Variants in TGFBR2 observed in about 807,000 individuals in gnomAD.
TGFBR2 encodes the protein transforming growth factor beta receptor 2.
A neutral mutation model predicts 49.0 loss-of-function variants in TGFBR2; 18 were observed. The ratio of observed to expected loss-of-function variants is 0.37; its 90% CI spans 0.25 to 0.54. The LOEUF is 0.54. Among genes scored for constraint, TGFBR2 ranks in the 20% least tolerant of loss-of-function variants. The pLI is 0.85. For missense variants in TGFBR2, 525 were observed against 722.6 expected (o/e 0.73, Z 3.13); for synonymous variants, 282 against 275.9 (o/e 1.02, Z -0.22).
intron 2 of TGFBR2, among the ~76,000 whole-genome samples, chr3:30,645,819 CCTCTCT>C (rs4016205): frequency 5.4e-5 from 8 of 147,886 alleles, no homozygotes; most frequent in Admixed American, 1.3e-4. Flanking sequence ...CACATTTTCT[CCTCTCT>C]CTCTCTCTCT....
chr3:30,615,782 C>G (rs542024011), intron 1 of TGFBR2, among the ~76,000 whole-genome samples: 1 of 152,084 alleles, frequency 6.6e-6, no homozygotes, highest in East Asian at 1.9e-4. Flanking sequence ...TTCTGTCACT[C>G]AGTCTGGAAA....
intron 5 of TGFBR2, among the ~76,000 whole-genome samples, chr3:30,687,816 C>G (rs1033445465): frequency 6.6e-6 from 1 of 152,180 alleles, no homozygotes; most frequent in African/African-American, 2.4e-5. Flanking sequence ...GTACTTCATA[C>G]AAGTGGAATG....
At chr3:30,649,219 T>C (rs918319044) in intron 2 of TGFBR2, among the ~76,000 whole-genome samples, 3 of 152,136 alleles carry the variant, frequency 2.0e-5, no homozygotes, top group African/African-American at 7.2e-5. Context: ...ATTTTGCATC[T>C]AAAAAGGACA....
intron 3 of TGFBR2, among the ~76,000 whole-genome samples, chr3:30,659,416 C>T (rs185221082): frequency 6.6e-6 from 1 of 152,136 alleles, no homozygotes; most frequent in Admixed American, 6.5e-5. Context: ...ATCAATATGG[C>T]CCTATGTCTG....
intron 3 of TGFBR2, among the ~76,000 whole-genome samples, chr3:30,665,609 T>C (rs1490753552): frequency 1.3e-5 from 2 of 152,214 alleles, no homozygotes; most frequent in East Asian, 1.9e-4. Context: ...CAGTTGTCCA[T>C]GTGCAGCACA....
At chr3:30,620,383 T>G (rs1698207977) in intron 1 of TGFBR2, among the ~76,000 whole-genome samples, 2 of 152,114 alleles carry the variant, frequency 1.3e-5, no homozygotes, top group African/African-American at 4.8e-5. Flanking sequence ...GAGTGCTATT[T>G]TTTTTTCTCC....
At chr3:30,659,789 C>T (rs1559462527) in intron 3 of TGFBR2, among the ~76,000 whole-genome samples, 1 of 151,788 alleles carries the variant, frequency 6.6e-6, no homozygotes, top group Non-Finnish European at 1.5e-5. Context: ...CCACTGCGGC[C>T]TCCATGTGTT....
At chr3:30,621,725 G>A (rs762898264) in intron 1 of TGFBR2, among the ~76,000 whole-genome samples, 3 of 152,182 alleles carry the variant, frequency 2.0e-5, no homozygotes, top group Non-Finnish European at 4.4e-5. Flanking sequence ...TGATGATGTT[G>A]GTGAGGACGT....
rs56069409 is a variant in TGFBR2 at position 30,669,121 on chromosome 3, C to CAAAAAAAAAAA, written c.455-2496_455-2486dup. 6.2e-4 allele frequency among the ~76,000 whole-genome samples: 52 copies of CAAAAAAAAAAA among 83,464 alleles called. 2 individuals carry two copies. Among genetic ancestry groups the CAAAAAAAAAAA allele is most frequent in the African/African-American group, 2.3e-3 (43 of 18,308 alleles). 54.8% of individuals were successfully genotyped at this position (83,464 alleles called of 152,430 possible). On this transcript the variant is annotated intron_variant, in intron 3 of 6. Transcript: ENST00000295754. ...TGAAACCCCGTCTCCACTAAAAATA[C>CAAAAAAAAAAA]AAAAAAAAAAAAAAAAAAAAAAAAA...
intron 1 of TGFBR2, among the ~76,000 whole-genome samples, chr3:30,616,060 C>A (rs1264350803): frequency 6.6e-6 from 1 of 151,990 alleles, no homozygotes; most frequent in Non-Finnish European, 1.5e-5. Context: ...CATTTTAATT[C>A]TAAATAAATA....
chr3:30,672,550 C>G lies in TGFBR2; in HGVS notation c.1254+113C>G. On this transcript the variant is annotated intron_variant, in intron 4 of 6. Transcript: ENST00000295754. This position sits in a 1 kb window ranked among gnomAD's most constrained non-coding sequence, Gnocchi z 4.5. ...ACAGCCCTGTACTCTGGACACTGGT[C>G]TAGGGAATCTAGCCAAAGTATGGAG... The G allele has an allele frequency of 1.7e-6, 2 of 1,186,790 alleles. No homozygotes were observed. The highest frequency in any genetic ancestry group is 1.3e-6 in the Non-Finnish European group (1 of 799,296). The allele number at this position is 1,186,790 out of a possible 1,614,324, so 73.5% of individuals were successfully genotyped here. A position where few individuals can be genotyped will look rare whatever the true frequency, so the allele number is the denominator to read the frequency against.
At chr3:30,665,727 G>A (rs1699231478) in intron 3 of TGFBR2, among the ~76,000 whole-genome samples, 1 of 152,206 alleles carries the variant, frequency 6.6e-6, no homozygotes, top group Admixed American at 6.5e-5. Flanking sequence ...AGAGACTAGA[G>A]CCCAAATGCC....
At position 30,693,662 on chromosome 3, in the gene TGFBR2, A is replaced by G; in HGVS notation, c.*2063A>G. On this transcript the variant is annotated 3_prime_UTR_variant, in exon 7 of 7. Coordinates refer to ENST00000295754, the MANE Select transcript of TGFBR2 (RefSeq NM_003242.6). ...AGAGGCGCCTAGAAATTCCACTTGC[A>G]CCGTAGGGCATGCTGATACCATCCC... 4.3e-6 allele frequency: 1 copy of G among 233,558 alleles called. No individual in the cohort carries two copies. The allele number at this position is 233,558 out of a possible 1,614,324, so 14.5% of individuals were successfully genotyped here. A position where few individuals can be genotyped will look rare whatever the true frequency, so the allele number is the denominator to read the frequency against.
In TGFBR2 at chr3:30,688,051, C is replaced by G. The variant is rs546685289; in HGVS notation, c.1397-333C>G. 2.6e-5 allele frequency among the ~76,000 whole-genome samples: 4 copies of G among 152,272 alleles called. No homozygotes were observed. In the South Asian group the frequency reaches 8.3e-4, roughly 32 times the overall value. ...TCCACTTCCCAAGAACCAGTTTCAC[C>G]CTTTTGCTGCAATATCCCCCTGTAG... is the stretch of plus-strand genomic sequence containing the variant. On this transcript the variant is annotated intron_variant, in intron 5 of 6. Coordinates refer to ENST00000295754, the MANE Select transcript of TGFBR2 (RefSeq NM_003242.6).
At chr3:30,644,207 G>A (rs1698689958) in intron 1 of TGFBR2, among the ~76,000 whole-genome samples, 1 of 152,124 alleles carries the variant, frequency 6.6e-6, no homozygotes, top group South Asian at 2.1e-4. Flanking sequence ...GCAAAATCTT[G>A]TGCCTCCAGC....
intron 5 of TGFBR2, among the ~76,000 whole-genome samples, chr3:30,683,197 G>C (rs1699566079): frequency 6.6e-6 from 1 of 152,148 alleles, no homozygotes; most frequent in South Asian, 2.1e-4. Context: ...AATAACTTGT[G>C]CTCTTTTTTC....
chr3:30,640,153 A>G (rs532576637), intron 1 of TGFBR2, among the ~76,000 whole-genome samples: 2 of 152,268 alleles, frequency 1.3e-5, no homozygotes, highest in African/African-American at 4.8e-5. Flanking sequence ...AGGTTTTGAT[A>G]TTACTCATGG....
chr3:30,671,596 C>T (rs148988201), intron 3 of TGFBR2, 42 bp from the exon 4 acceptor site: 1 of 1,606,824 alleles, frequency 6.2e-7, no homozygotes, highest in African/African-American at 1.3e-5. Context: ...TACTTACCTA[C>T]CACATCCAAC....
At position 30,692,016 on chromosome 3, in the gene TGFBR2, T is replaced by A. The variant is rs1255435138; in HGVS notation, c.*417T>A. On this transcript the variant is annotated 3_prime_UTR_variant, in exon 7 of 7. Transcript: ENST00000295754. ...AAATATTCCCAGGAAATTGGTTTTA[T>A]TGGAGAACTCCAGAACCAAGCAGAG... The A allele has an allele frequency of 4.5e-6, 1 of 222,534 alleles. No individual in the cohort carries two copies. Among genetic ancestry groups the A allele is most frequent in the Non-Finnish European group, 9.0e-6 (1 of 111,516 alleles). 13.8% of individuals were successfully genotyped at this position (222,534 alleles called of 1,614,324 possible).
Sources: gnomAD v4.1 joint callset for allele counts (sites outside exome capture counted in the v4.1 genomes callset) on GRCh38, gnomAD v4.1.1 for gene constraint, Gnocchi (gnomAD v3.1) non-coding constraint, MANE v1.5 for transcripts, NCBI Gene and HGNC (gene_info 2026-07-23, HGNC 2026-07-21) for gene names.